The following FRMD4A variants were observed in gnomAD, a reference collection of about 807,000 sequenced individuals.
The protein encoded by FRMD4A is FERM domain-containing protein 4A.
FRMD4A carries 29 observed loss-of-function variants against 129.1 expected under a neutral mutation model. That is an observed-to-expected ratio of 0.22 (90% CI 0.17 to 0.31). The LOEUF (loss-of-function observed/expected upper bound fraction) is 0.31. Ranked by LOEUF, FRMD4A falls within the 10% of genes least tolerant of loss-of-function variation. FRMD4A has a pLI of 1.00. For missense variants in FRMD4A, 1,272 were observed against 1,375.8 expected (o/e 0.92, Z 1.19); for synonymous variants, 634 against 571.6 (o/e 1.11, Z -1.56).
At chr10:14,229,553 G>A (rs1304546975) in intron 2 of FRMD4A, among the ~76,000 whole-genome samples, 1 of 152,044 alleles carries the variant, frequency 6.6e-6, no homozygotes, top group African/African-American at 2.4e-5. Flanking sequence ...TCCTCCCACT[G>A]CAGCCTCCCG....
chr10:13,685,456 A>C, intron 15 of FRMD4A: 1 of 985,034 alleles, frequency 1.0e-6, no homozygotes, highest in Non-Finnish European at 1.2e-6. Flanking sequence ...TAAATCCTAC[A>C]GTTTCCATTT....
intron 3 of FRMD4A, among the ~76,000 whole-genome samples, chr10:13,848,143 T>A (rs1240641241): frequency 6.6e-6 from 1 of 152,174 alleles, no homozygotes; most frequent in Non-Finnish European, 1.5e-5. Context: ...TAGGAGCATG[T>A]AGTTTAATGT....
At chr10:13,689,476 G>A (rs933988048) in intron 15 of FRMD4A, among the ~76,000 whole-genome samples, 4 of 151,638 alleles carry the variant, frequency 2.6e-5, no homozygotes, top group Non-Finnish European at 4.4e-5. Flanking sequence ...AAAAAGTACT[G>A]GAGACAGATC....
intron 2 of FRMD4A, among the ~76,000 whole-genome samples, chr10:14,295,134 G>A (rs955427296): frequency 2.6e-5 from 4 of 152,106 alleles, no homozygotes; most frequent in Non-Finnish European, 1.5e-5. Flanking sequence ...AAATGAGGGG[G>A]CCCAACATCA....
chr10:14,328,684 G>A (rs2132131185), intron 2 of FRMD4A, among the ~76,000 whole-genome samples: 1 of 151,148 alleles, frequency 6.6e-6, no homozygotes, highest in East Asian at 1.9e-4. Context: ...GTATTTCAGA[G>A]CATATAACCC....
intron 2 of FRMD4A, among the ~76,000 whole-genome samples, chr10:14,122,630 A>G (rs1317182604): frequency 6.6e-6 from 1 of 151,876 alleles, no homozygotes; most frequent in African/African-American, 2.4e-5. Flanking sequence ...GCTGCTACAC[A>G]CTTTTAAATG....
In FRMD4A at chr10:14,064,820, C is replaced by T. The variant is rs1234842195; in HGVS notation, c.46-205908G>A. ...CTTGAACTCTTGATCTCAGGTGATC[C>T]ACCTGCTTTGACCTCCCAAAGTGCT... On this transcript the variant is annotated intron_variant, in intron 2 of 24. Transcript: ENST00000357447. Among the ~76,000 whole-genome samples the T allele has an allele frequency of 2.0e-5, 3 of 152,088 alleles. No homozygotes were observed. The East Asian group carries it at 5.8e-4, about 29-fold the overall frequency.
chr10:14,102,422 G>C (rs1837356241), intron 2 of FRMD4A, among the ~76,000 whole-genome samples: 1 of 152,170 alleles, frequency 6.6e-6, no homozygotes, highest in Admixed American at 6.5e-5. Flanking sequence ...AGCTACTCAG[G>C]AGCCTGAGGT....
intron 2 of FRMD4A, among the ~76,000 whole-genome samples, chr10:13,930,434 G>A (rs11592009): frequency 0.21 from 32,622 of 152,170 alleles, 3,991 homozygotes; most frequent in Middle Eastern, 0.29. Context: ...CTTGTCCTGC[G>A]TGAGCCTTTC....
At chr10:14,130,806 C>T (rs114148164) in intron 2 of FRMD4A, among the ~76,000 whole-genome samples, 3,349 of 152,234 alleles carry the variant, frequency 0.022, 108 homozygotes, top group African/African-American at 0.076. Flanking sequence ...GGGAATAAGG[C>T]GTTTACATTT....
At chr10:14,089,635 A>AT in intron 2 of FRMD4A, among the ~76,000 whole-genome samples, 1 of 142,344 alleles carries the variant, frequency 7.0e-6, no homozygotes, top group East Asian at 2.6e-4. Context: ...AAAAACAAAA[A>AT]AAAACAAACA....
At chr10:13,676,428 ATTT>A (rs60180649) in intron 15 of FRMD4A, among the ~76,000 whole-genome samples, 2,251 of 128,842 alleles carry the variant, frequency 0.017, 60 homozygotes, top group African/African-American at 0.057. Context: ...ACACCCAGCT[ATTT>A]TTTTTTTTTT....
At chr10:14,157,093 G>A (rs1167442785) in intron 2 of FRMD4A, among the ~76,000 whole-genome samples, 1 of 152,186 alleles carries the variant, frequency 6.6e-6, no homozygotes, top group Non-Finnish European at 1.5e-5. Context: ...GAAAGCTGCA[G>A]CAAAAGTCTA....
intron 2 of FRMD4A, among the ~76,000 whole-genome samples, chr10:14,129,579 G>A (rs1029245317): frequency 1.3e-5 from 2 of 151,656 alleles, no homozygotes; most frequent in Non-Finnish European, 2.9e-5. Context: ...TGGGTGGGAG[G>A]CCCGCCCCTG....
chr10:13,694,373 G>T (rs1348955976), intron 14 of FRMD4A, among the ~76,000 whole-genome samples: 1 of 152,162 alleles, frequency 6.6e-6, no homozygotes, highest in Non-Finnish European at 1.5e-5. Flanking sequence ...ACAAAACAGG[G>T]TAGATGCCAC....
intron 2 of FRMD4A, among the ~76,000 whole-genome samples, chr10:14,089,630 C>CAAAAAAAAAAAAAAAAAAAAAA (rs59553317): frequency 7.6e-6 from 1 of 130,802 alleles, no homozygotes; most frequent in Non-Finnish European, 1.6e-5. Flanking sequence ...AAAAAAAAAA[C>CAAAAAAAAAAAAAAAAAAAAAA]AAAAAAAAAC....
At chr10:14,276,664 A>G (rs1277542323) in intron 2 of FRMD4A, among the ~76,000 whole-genome samples, 1 of 152,132 alleles carries the variant, frequency 6.6e-6, no homozygotes, top group Non-Finnish European at 1.5e-5. Context: ...CCCCACAGCC[A>G]GAAGGAAACA....
chr10:13,867,396 G>A (rs1359011786), intron 2 of FRMD4A, among the ~76,000 whole-genome samples: 3 of 151,452 alleles, frequency 2.0e-5, no homozygotes, highest in Non-Finnish European at 2.9e-5. Context: ...AAGTAGCTGG[G>A]ATTACAGACG....
In FRMD4A at chr10:14,098,682, A is replaced by G. The variant is rs1194466865; in HGVS notation, c.45+231376T>C. Reference sequence around the variant, plus strand: ...CTCGACCTCCCAAAGTGCTGGGATTACAGGTGTGAGCCACCGCGCCCAGCC... The same window carrying G: ...CTCGACCTCCCAAAGTGCTGGGATTGCAGGTGTGAGCCACCGCGCCCAGCC... On this transcript the variant is annotated intron_variant, in intron 2 of 24. Transcript: ENST00000357447. 2.0e-5 allele frequency among the ~76,000 whole-genome samples: 3 copies of G among 152,228 alleles called. No individual in the cohort carries two copies. The East Asian group carries it at 5.8e-4, about 30-fold the overall frequency.
Sources: allele counts gnomAD v4.1 joint callset (sites outside exome capture counted in the v4.1 genomes callset), GRCh38; gene constraint gnomAD v4.1.1; transcripts MANE v1.5; gene names NCBI Gene and HGNC (gene_info 2026-07-23, HGNC 2026-07-21).